Variants in PPHLN1 observed in about 807,000 individuals in gnomAD.
PPHLN1 encodes the protein periphilin-1.
Under a neutral mutation model 51.3 loss-of-function variants are expected in PPHLN1, and 29 were observed. That is an observed-to-expected ratio of 0.57 (90% CI 0.42 to 0.77). PPHLN1 has a LOEUF of 0.77. Among genes scored for constraint, PPHLN1 ranks in the 30% least tolerant of loss-of-function variants. PPHLN1 has a pLI of 0.00. For synonymous variants in PPHLN1, 147 were observed against 147.8 expected (o/e 0.99, Z 0.04); for missense variants, 436 against 438.4 (o/e 0.99, Z 0.05).
intron 9 of PPHLN1, among the ~76,000 whole-genome samples, chr12:42,431,157 TGCA>T (rs765284717): frequency 1.3e-5 from 2 of 152,254 alleles, no homozygotes; most frequent in Non-Finnish European, 2.9e-5. Flanking sequence ...TCCAGTGGTC[TGCA>T]GATTTTTCTC....
intron 4 of PPHLN1, among the ~76,000 whole-genome samples, chr12:42,365,159 C>G (rs1248530305): frequency 6.6e-6 from 1 of 152,164 alleles, no homozygotes; most frequent in Non-Finnish European, 1.5e-5. Context: ...GTCGCAGTGT[C>G]TGTGGTTTTC....
intron 2 of PPHLN1, among the ~76,000 whole-genome samples, chr12:42,336,625 A>G (rs2070708410): frequency 6.6e-6 from 1 of 152,210 alleles, no homozygotes; most frequent in African/African-American, 2.4e-5. Context: ...TGTTTTGTTT[A>G]CTATTTCCAG....
Position 42,360,458 on chromosome 12 carries a change from C to CTTTTTTTTT in PPHLN1, c.299+5257_299+5265dup, listed in dbSNP as rs71084642. Reference sequence around the variant, plus strand: ...ACAGTTCCTGAAGTGATGCTGAATTCTTTTTTTTTTTTTTTTTTTTTTTTT... The same window carrying CTTTTTTTTT: ...ACAGTTCCTGAAGTGATGCTGAATTCTTTTTTTTTTTTTTTTTTTTTTTTTTTTTTTTTT... On this transcript the variant is annotated intron_variant, in intron 4 of 9. Coordinates refer to ENST00000358314, the MANE Select transcript of PPHLN1 (RefSeq NM_201439.2). 8.9e-5 allele frequency among the ~76,000 whole-genome samples: 5 copies of CTTTTTTTTT among 56,292 alleles called. 1 individual carries two copies. The highest frequency in any genetic ancestry group is 2.6e-4 in the Admixed American group (1 of 3,902). The allele number at this position is 56,292 out of a possible 152,430, so 36.9% of individuals were successfully genotyped here. A position where few individuals can be genotyped will look rare whatever the true frequency, so the allele number is the denominator to read the frequency against.
intron 4 of PPHLN1, among the ~76,000 whole-genome samples, chr12:42,358,683 G>A (rs1592368477): frequency 6.6e-6 from 1 of 152,222 alleles, no homozygotes. Flanking sequence ...TGGGATTATA[G>A]GCATGAGCCA....
intron 9 of PPHLN1, among the ~76,000 whole-genome samples, chr12:42,403,246 C>G (rs1201293343): frequency 6.6e-6 from 1 of 152,178 alleles, no homozygotes; most frequent in Non-Finnish European, 1.5e-5. Context: ...GACATCAAGT[C>G]TACCCTACTG....
Position 42,428,479 on chromosome 12 carries a change from G to C in PPHLN1, c.910-12836G>C, listed in dbSNP as rs187051019. 3.0e-4 allele frequency among the ~76,000 whole-genome samples: 46 copies of C among 152,302 alleles called. No individual in the cohort carries two copies. In the East Asian group the frequency reaches 7.5e-3, roughly 25 times the overall value. On this transcript the variant is annotated intron_variant, in intron 9 of 9. Coordinates refer to ENST00000358314, the MANE Select transcript of PPHLN1 (RefSeq NM_201439.2). Reference sequence around the variant, plus strand: ...ATTTGGAATGAGCGGGGTGAGATTGGAGACTGTTATTCTAAGTGAAGTCAC... The same window carrying C: ...ATTTGGAATGAGCGGGGTGAGATTGCAGACTGTTATTCTAAGTGAAGTCAC...
At chr12:42,337,033 G>C (rs2070755998) in intron 2 of PPHLN1, among the ~76,000 whole-genome samples, 1 of 152,212 alleles carries the variant, frequency 6.6e-6, no homozygotes, top group Non-Finnish European at 1.5e-5. Context: ...TATACTTCAG[G>C]ATGGCCAGAC....
intron 2 of PPHLN1, among the ~76,000 whole-genome samples, chr12:42,346,893 T>A (rs935672833): frequency 3.3e-5 from 5 of 152,078 alleles, no homozygotes; most frequent in African/African-American, 7.2e-5. Flanking sequence ...TTTAAAAAAA[T>A]TATTATTACT....
intron 5 of PPHLN1, among the ~76,000 whole-genome samples, chr12:42,376,520 C>G (rs2076277048): frequency 6.6e-6 from 1 of 152,154 alleles, no homozygotes; most frequent in South Asian, 2.1e-4. Flanking sequence ...GGCACAGCAG[C>G]TCATGCCTGT....
intron 9 of PPHLN1, among the ~76,000 whole-genome samples, chr12:42,428,991 A>T (rs113699745): frequency 2.6e-5 from 4 of 152,154 alleles, no homozygotes; most frequent in South Asian, 2.1e-4. Context: ...AATAATTTTT[A>T]TTATTCTCAG....
chr12:42,352,640 CATCAAGTGGGAGGTCACTTGATG>C (rs1173646838), intron 3 of PPHLN1, among the ~76,000 whole-genome samples: 8 of 151,482 alleles, frequency 5.3e-5, no homozygotes, highest in South Asian at 2.1e-4. Context: ...GAACTCCTGA[CATCAAGTGGGAGGTCACTTGATG>C]ATCAAGTGGG....
At chr12:42,327,747 A>C (rs1199241505) in intron 1 of PPHLN1, among the ~76,000 whole-genome samples, 1 of 152,198 alleles carries the variant, frequency 6.6e-6, no homozygotes, top group Non-Finnish European at 1.5e-5. Context: ...TTGTAACTCC[A>C]GTAGCTAATA....
At chr12:42,388,656 C>T (rs534576603) in intron 7 of PPHLN1, among the ~76,000 whole-genome samples, 71 of 152,292 alleles carry the variant, frequency 4.7e-4, no homozygotes, top group African/African-American at 1.6e-3. Flanking sequence ...TTCTCAGTCT[C>T]TCGTCCCACC....
At chr12:42,387,957 G>A (rs2077330584) in intron 7 of PPHLN1, among the ~76,000 whole-genome samples, 1 of 152,212 alleles carries the variant, frequency 6.6e-6, no homozygotes, top group Non-Finnish European at 1.5e-5. Context: ...CAGTATGCGT[G>A]GTAAAAGTCA....
chr12:42,379,605 G>C (rs1044665219), intron 5 of PPHLN1, among the ~76,000 whole-genome samples: 1 of 151,548 alleles, frequency 6.6e-6, no homozygotes, highest in Non-Finnish European at 1.5e-5. Context: ...TTCATTACTG[G>C]ATTGTAGGCA....
At chr12:42,433,188 G>C (rs773958493) in intron 9 of PPHLN1, 38 of 765,384 alleles carry the variant, frequency 5.0e-5, no homozygotes, top group Non-Finnish European at 7.3e-5. Context: ...CCAAACTTTA[G>C]CCACCCACCA....
chr12:42,363,331 T>TAA (rs11443075), intron 4 of PPHLN1, among the ~76,000 whole-genome samples: 3 of 151,112 alleles, frequency 2.0e-5, no homozygotes, highest in Non-Finnish European at 2.9e-5. Flanking sequence ...TTAATTAATT[T>TAA]AAAAAAAAAT....
chr12:42,427,467 A>G (rs1275438929), intron 9 of PPHLN1, among the ~76,000 whole-genome samples: 1 of 152,176 alleles, frequency 6.6e-6, no homozygotes, highest in African/African-American at 2.4e-5. Context: ...ATTAACCCAA[A>G]TACTTACAGC....
intron 9 of PPHLN1, among the ~76,000 whole-genome samples, chr12:42,430,435 A>T (rs779632080): frequency 1.3e-5 from 2 of 152,316 alleles, no homozygotes; most frequent in Admixed American, 6.5e-5. Context: ...TATCAATAAC[A>T]TAGTCAGTTA....
Sources: gnomAD v4.1 joint callset for allele counts (sites outside exome capture counted in the v4.1 genomes callset) on GRCh38, gnomAD v4.1.1 for gene constraint, MANE v1.5 for transcripts, NCBI Gene and HGNC (gene_info 2026-07-23, HGNC 2026-07-21) for gene names.